The following VPS11 variants were observed in gnomAD, a reference collection of about 807,000 sequenced individuals.
The protein encoded by VPS11 is vacuolar protein sorting-associated protein 11 homolog.
A neutral mutation model predicts 106.8 loss-of-function variants in VPS11; 51 were observed. The observed-to-expected ratio is 0.48, with a 90% CI of 0.38 to 0.60. The LOEUF is 0.60. Among genes scored for constraint, VPS11 ranks in the 20% least tolerant of loss-of-function variants. The pLI, the probability that VPS11 is intolerant of heterozygous loss-of-function variation, is 0.00. For missense variants in VPS11, 950 were observed against 1,190.0 expected, an observed-to-expected ratio of 0.80 and a Z score of 2.97; for synonymous variants, 453 against 458.7, an observed-to-expected ratio of 0.99 and a Z score of 0.16.
At position 119,079,147 on chromosome 11, in the gene VPS11, A is replaced by T; in HGVS notation, c.2285A>T (p.His762Leu). The T allele has an allele frequency of 6.2e-7, 1 of 1,613,890 alleles. No homozygotes were observed. Residue 762 changes from histidine to leucine, a missense_variant, in exon 14 of 16, where the codon CAC becomes CTC. His to Leu is a moderately conservative substitution (Grantham distance 99). Around this residue, in one of 3 missense-constraint regions of VPS11, gnomAD observed 453 missense variants for 514.6 expected, o/e 0.88. Coordinates refer to ENST00000621676, the MANE Select transcript of VPS11 (RefSeq NM_021729.6). The stretch of plus-strand genomic sequence containing the variant: ...ATCTCAGTGGTGCAGACCCTGGCCC[A>T]CAACTCCACAGCCACACTCTCCGTC... ...PPLLVVQTLA[H>L]NSTATLSVIR...
intron 7 of VPS11, among the ~76,000 whole-genome samples, chr11:119,075,564 A>G (rs1945577410): frequency 6.7e-6 from 1 of 148,920 alleles, no homozygotes; most frequent in Admixed American, 6.7e-5. Context: ...AAAAAAAAAA[A>G]TACAAGGCCA....
At position 119,069,296 on chromosome 11, in the gene VPS11, C is replaced by A; in HGVS notation, c.288C>A (p.His96Gln). The change falls in exon 2 of 16, where the codon CAC (histidine) becomes CAA (glutamine). Residue 96 changes from histidine (H) to glutamine (Q), a missense_variant. This residue lies in a region of VPS11 where 435 missense variants were observed against 630.2 expected (regional missense o/e 0.69). Coordinates refer to ENST00000621676, the MANE Select transcript of VPS11 (RefSeq NM_021729.6). The part of the protein sequence containing the change: ...RVTHLYQLKQ[H>Q]NILASVGEDE... Reference sequence around the variant, plus strand: ...CACACCTGTACCAACTGAAGCAGCACAATATTCTGGCATCTGTTGGAGAAG... The same window carrying A: ...CACACCTGTACCAACTGAAGCAGCAAAATATTCTGGCATCTGTTGGAGAAG... 1 of 1,613,974 alleles carries A rather than the reference C, an allele frequency of 6.2e-7. No homozygotes were observed. The highest frequency in any genetic ancestry group is 1.6e-4 in the Middle Eastern group (1 of 6,062).
chr11:119,080,652 A>C (rs1018394276), intron 14 of VPS11, among the ~76,000 whole-genome samples: 1 of 152,242 alleles, frequency 6.6e-6, no homozygotes, highest in African/African-American at 2.4e-5. Context: ...TACAGGTGTG[A>C]GCCACTGTGC....
chr11:119,072,753 G>A (rs1945448346), intron 5 of VPS11: 1 of 166,338 alleles, frequency 6.0e-6, no homozygotes, highest in Middle Eastern at 3.1e-3. Context: ...ATTCAGCAGT[G>A]GAGAAATTAG....
At chr11:119,076,690 G>A (rs994972654) in intron 7 of VPS11, 2 of 568,112 alleles carry the variant, frequency 3.5e-6, no homozygotes, top group Non-Finnish European at 6.1e-6. Context: ...AAGAAGCAGT[G>A]CTCTGGAGCC....
In VPS11 at chr11:119,078,909, C is replaced by T. The variant is rs1422483286; in HGVS notation, c.2178C>T (p.Tyr726=). 4 of 1,613,928 alleles carry T rather than the reference C, an allele frequency of 2.5e-6. No homozygotes were observed. Among genetic ancestry groups the T allele is most frequent in the Middle Eastern group, 1.6e-4 (1 of 6,084 alleles). ...DPSLWEQALS[Y]FARKEEDCKE... ...CCTTGTGGGAGCAGGCCCTCAGCTACTTCGCTCGCAAGGAGGAGGACTGCA... is the reference window on the plus strand; with the variant it reads ...CCTTGTGGGAGCAGGCCCTCAGCTATTTCGCTCGCAAGGAGGAGGACTGCA... The change falls in exon 13 of 16, where the codon TAC becomes TAT. Residue 726 remains tyrosine (Y), a synonymous_variant. Coordinates refer to ENST00000621676, the MANE Select transcript of VPS11 (RefSeq NM_021729.6).
In VPS11 at chr11:119,073,951, G is replaced by A. The variant is rs781879030; in HGVS notation, c.1238G>A (p.Arg413Gln). The change falls in exon 7 of 16, where the codon CGA (arginine) becomes CAA (glutamine). Residue 413 changes from arginine (R) to glutamine (Q), a missense_variant and splice_region_variant. By Grantham distance (43) the Arg-to-Gln change is conservative (BLOSUM62 1). Coordinates refer to ENST00000621676, the MANE Select transcript of VPS11 (RefSeq NM_021729.6). ...GATGGGGCTGTCCAGCAATATATCC[G>A]GTCAGTCTGGAGGCACTTTGGGATA... Reference protein sequence around the residue: ...NHDGAVQQYIRTIGKLEPSYV... With the variant: ...NHDGAVQQYIQTIGKLEPSYV... 3.7e-6 allele frequency: 6 copies of A among 1,610,688 alleles called. No individual in the cohort carries two copies. Among genetic ancestry groups the A allele is most frequent in the Non-Finnish European group, 4.2e-6 (5 of 1,178,272 alleles).
intron 15 of VPS11, 68 bp from the exon 16 acceptor site, chr11:119,081,391 C>T (rs1198424234): frequency 6.2e-6 from 10 of 1,610,876 alleles, no homozygotes; most frequent in African/African-American, 2.7e-5. Flanking sequence ...GTTTCCTTAT[C>T]ACCTCCTCAT....
intron 7 of VPS11, 70 bp from the exon 8 acceptor site, chr11:119,076,827 G>C: frequency 6.4e-7 from 1 of 1,551,902 alleles, no homozygotes; most frequent in Non-Finnish European, 8.8e-7. Flanking sequence ...AGATCTGCAA[G>C]TGATTCCTGT....
At position 119,071,581 on chromosome 11, in the gene VPS11, T is replaced by A; in HGVS notation, c.637-15T>A. 6.2e-7 allele frequency: 1 copy of A among 1,613,310 alleles called. No homozygotes were observed. The highest frequency in any genetic ancestry group is 1.1e-5 in the South Asian group (1 of 91,056). ...CCTCAAAGGAGCCTGTTAACCCCTT[T>A]GTTGCTTCTGGCAGTCCTATATAGT... On this transcript the variant is annotated splice_polypyrimidine_tract_variant and intron_variant, in intron 4 of 15. Coordinates refer to ENST00000621676, the MANE Select transcript of VPS11 (RefSeq NM_021729.6).
chr11:119,071,322 G>T (rs1945381402), intron 4 of VPS11, among the ~76,000 whole-genome samples: 1 of 152,072 alleles, frequency 6.6e-6, no homozygotes, highest in Non-Finnish European at 1.5e-5. Context: ...ACTCTCTCAG[G>T]AATACTCTTG....
intron 7 of VPS11, 77 bp downstream of exon 7, chr11:119,074,028 C>G (rs937081493): frequency 6.8e-7 from 1 of 1,479,722 alleles, no homozygotes; most frequent in African/African-American, 1.4e-5. Context: ...CATCCATGCT[C>G]CAGGTAGGGG....
In VPS11 at chr11:119,081,152, A is replaced by T. The variant is rs1307247476; in HGVS notation, c.2499A>T (p.Ser833=). The T allele has an allele frequency of 1.2e-6, 2 of 1,613,960 alleles. No homozygotes were observed. Among genetic ancestry groups the T allele is most frequent in the Non-Finnish European group, 1.7e-6 (2 of 1,179,914 alleles). ...SICNSALELP[S]VHFLCGHSFH... is the part of the protein sequence containing the mutation. Reference sequence around the variant, plus strand: ...GTAACAGTGCCTTGGAGTTGCCCTCAGTCCACTTCCTGTGTGGCCACTCCT... The same window carrying T: ...GTAACAGTGCCTTGGAGTTGCCCTCTGTCCACTTCCTGTGTGGCCACTCCT... Residue 833 remains serine, a synonymous_variant, in exon 15 of 16, where the codon TCA becomes TCT. Transcript: ENST00000621676.
chr11:119,071,002 C>T (rs1945367240), intron 4 of VPS11, among the ~76,000 whole-genome samples: 1 of 148,836 alleles, frequency 6.7e-6, no homozygotes, highest in Non-Finnish European at 1.5e-5. Context: ...TGTCTCAGCT[C>T]ACTGCAACCT....
chr11:119,074,823 C>G (rs1327346444), intron 7 of VPS11, among the ~76,000 whole-genome samples: 1 of 151,976 alleles, frequency 6.6e-6, no homozygotes, highest in Admixed American at 6.6e-5. Context: ...CCGATGATTA[C>G]CTCTCATTTT....
At position 119,079,269 on chromosome 11, in the gene VPS11, A is replaced by C; in HGVS notation, c.2407A>C (p.Ile803Leu). Residue 803 changes from isoleucine (I) to leucine (L), a missense_variant, in exon 14 of 16, where the codon ATC (isoleucine) becomes CTC (leucine). Transcript: ENST00000621676. The part of the protein sequence containing the change: ...VRRYREETTR[I>L]RQEIQELKAS... ...GCGGTACCGAGAGGAGACCACCCGTATCCGCCAGGAGATCCAAGAGCTCAA... is the reference window on the plus strand; with the variant it reads ...GCGGTACCGAGAGGAGACCACCCGTCTCCGCCAGGAGATCCAAGAGCTCAA... 6.2e-7 allele frequency: 1 copy of C among 1,601,308 alleles called. No individual in the cohort carries two copies. The highest frequency in any genetic ancestry group is 8.5e-7 in the Non-Finnish European group (1 of 1,173,894).
rs375711174 is a variant in VPS11 at position 119,076,889 on chromosome 11, C to T, written c.1239-8C>T. On this transcript the variant is annotated splice_region_variant and splice_polypyrimidine_tract_variant and intron_variant, in intron 7 of 15. Transcript: ENST00000621676. ...TTCAGATGCTATCGGGTGCACATGT[C>T]TCCCTAGAACCATTGGAAAGTTGGA... 92 of 1,613,528 alleles carry T rather than the reference C, an allele frequency of 5.7e-5. No individual in the cohort carries two copies. Among genetic ancestry groups the T allele is most frequent in the Non-Finnish European group, 7.5e-5 (88 of 1,179,680 alleles).
intron 13 of VPS11, 56 bp downstream of exon 13, chr11:119,079,053 C>T (rs1945749303): frequency 6.2e-7 from 1 of 1,612,216 alleles, no homozygotes; most frequent in Non-Finnish European, 8.5e-7. Flanking sequence ...GGCTCTGTGG[C>T]AGGGGCCCTT....
At chr11:119,075,447 G>A (rs1399520634) in intron 7 of VPS11, among the ~76,000 whole-genome samples, 1 of 150,348 alleles carries the variant, frequency 6.7e-6, no homozygotes, top group African/African-American at 2.5e-5. Context: ...GCTCATTCCT[G>A]TAATCCCAGC....
Sources: allele counts gnomAD v4.1 joint callset (sites outside exome capture counted in the v4.1 genomes callset), GRCh38; gene constraint gnomAD v4.1.1; regional missense constraint gnomAD v4.1.1; transcripts MANE v1.5; gene names NCBI Gene and HGNC (gene_info 2026-07-23, HGNC 2026-07-21).